ARB2A: variants seen among roughly 807,000 people sequenced by gnomAD.
ARB2A encodes cotranscriptional regulator ARB2A.
chr5:93,986,021 G>A, the ARB2A span, among the ~76,000 whole-genome samples: 3 of 144,104 alleles, frequency 2.1e-5, no homozygotes, highest in African/African-American at 7.9e-5. Context: ...TGTGGGGAGC[G>A]CCTCTGCCTG....
the ARB2A span, among the ~76,000 whole-genome samples, chr5:94,009,610 A>C: frequency 6.6e-6 from 1 of 152,202 alleles, no homozygotes; most frequent in African/African-American, 2.4e-5. Context: ...ACATTAGCAT[A>C]ATTTCTCCAG....
chr5:93,891,413 A>C, the ARB2A span, among the ~76,000 whole-genome samples: 1 of 152,216 alleles, frequency 6.6e-6, no homozygotes, highest in East Asian at 1.9e-4. Flanking sequence ...AAGAATTCCA[A>C]ATTTTCATTC....
At chr5:93,898,037 C>A in the ARB2A span, among the ~76,000 whole-genome samples, 2 of 151,792 alleles carry the variant, frequency 1.3e-5, no homozygotes, top group African/African-American at 4.8e-5. Context: ...AGGAAGCTTC[C>A]GTGATCTGAA....
the ARB2A span, among the ~76,000 whole-genome samples, chr5:93,655,083 G>A: frequency 4.6e-5 from 7 of 152,112 alleles, no homozygotes; most frequent in East Asian, 1.9e-4. Context: ...GTTTCTTCAC[G>A]TATAAAATTG....
At chr5:93,733,671 C>T in the ARB2A span, 1 of 152,180 alleles carries the variant, frequency 6.6e-6, no homozygotes, top group Non-Finnish European at 1.5e-5. Context: ...ATAACCACCA[C>T]CACCGTCACA....
chr5:93,883,277 T>G, the ARB2A span, among the ~76,000 whole-genome samples: 1 of 151,556 alleles, frequency 6.6e-6, no homozygotes. Context: ...TATAGCAAAC[T>G]GATTTACAAA....
the ARB2A span, among the ~76,000 whole-genome samples, chr5:94,071,726 AG>A: frequency 6.6e-6 from 1 of 152,138 alleles, no homozygotes; most frequent in African/African-American, 2.4e-5. Context: ...AATGCTGAGG[AG>A]GATGTAGAGA....
the ARB2A span, among the ~76,000 whole-genome samples, chr5:93,904,214 T>A: frequency 1.3e-5 from 2 of 151,882 alleles, no homozygotes; most frequent in Admixed American, 1.3e-4. Context: ...TTCCTTCGCA[T>A]AATGCACTAT....
chr5:93,805,918 T>C, the ARB2A span: 3 of 984,996 alleles, frequency 3.0e-6, no homozygotes, highest in African/African-American at 3.5e-5. Context: ...TGATCATGAG[T>C]TGCTGTGAAA....
chr5:94,028,580 C>A, the ARB2A span, among the ~76,000 whole-genome samples: 2 of 152,138 alleles, frequency 1.3e-5, no homozygotes, highest in Non-Finnish European at 2.9e-5. Context: ...CATACAAGAA[C>A]CTCCTTCAAG....
At chr5:93,680,778 T>A in the ARB2A span, among the ~76,000 whole-genome samples, 2 of 152,282 alleles carry the variant, frequency 1.3e-5, no homozygotes, top group South Asian at 4.1e-4. Flanking sequence ...GGTGTCAAAG[T>A]CAAAGGTAAC....
chr5:93,722,277 G>A, the ARB2A span, among the ~76,000 whole-genome samples: 1 of 152,076 alleles, frequency 6.6e-6, no homozygotes, highest in African/African-American at 2.4e-5. Flanking sequence ...CAGTGACCTA[G>A]ATAATCTGAA....
chr5:93,703,283 G>A, the ARB2A span, among the ~76,000 whole-genome samples: 3 of 152,280 alleles, frequency 2.0e-5, no homozygotes, highest in East Asian at 3.9e-4. Flanking sequence ...GAGTGTCGGC[G>A]AAGTAGTGTG....
the ARB2A span, among the ~76,000 whole-genome samples, chr5:93,693,845 G>A: frequency 4.6e-5 from 7 of 152,158 alleles, no homozygotes; most frequent in South Asian, 6.2e-4. Context: ...TATCCACCAC[G>A]ATGTAGTCTG....
the ARB2A span, among the ~76,000 whole-genome samples, chr5:93,786,167 C>CA: frequency 1.3e-5 from 2 of 152,164 alleles, no homozygotes; most frequent in Non-Finnish European, 2.9e-5. Flanking sequence ...TTGTTGTTAA[C>CA]ATATGCAGAT....
At chr5:93,668,477 TATATAAGA>T in the ARB2A span, among the ~76,000 whole-genome samples, 1 of 152,182 alleles carries the variant, frequency 6.6e-6, no homozygotes, top group Non-Finnish European at 1.5e-5. Context: ...GCAGTCCACA[TATATAAGA>T]ATAACAAAAG....
chr5:93,767,862 C>T, the ARB2A span, among the ~76,000 whole-genome samples: 184 of 151,314 alleles, frequency 1.2e-3, no homozygotes, highest in African/African-American at 4.2e-3. Context: ...AGCGTGGTGG[C>T]GGGCACCTGT....
the ARB2A span, among the ~76,000 whole-genome samples, chr5:93,669,134 T>G: frequency 6.6e-6 from 1 of 152,244 alleles, no homozygotes; most frequent in Non-Finnish European, 1.5e-5. Context: ...TTCCTAATTC[T>G]AGTTGTTCTT....
At chr5:94,037,119 T>C in the ARB2A span, among the ~76,000 whole-genome samples, 1 of 152,208 alleles carries the variant, frequency 6.6e-6, no homozygotes, top group African/African-American at 2.4e-5. Flanking sequence ...CTTTGCATTC[T>C]GTTCAGTTGG....
Sources: gnomAD v4.1 joint callset for allele counts (sites outside exome capture counted in the v4.1 genomes callset) on GRCh38, gnomAD v4.1.1 for gene constraint, MANE v1.5 for transcripts, NCBI Gene and HGNC (gene_info 2026-07-23, HGNC 2026-07-21) for gene names.